The following HLF variants were observed in gnomAD, a reference collection of about 807,000 sequenced individuals.
The protein encoded by HLF is HLF transcription factor, PAR bZIP family member.
A neutral mutation model predicts 22.6 loss-of-function variants in HLF; 3 were observed. The observed-to-expected ratio is 0.13, with a 90% CI of 0.06 to 0.34. The LOEUF is 0.34. Among genes scored for constraint, HLF ranks in the 10% least tolerant of loss-of-function variants. The pLI is 1.00. For synonymous variants in HLF, 151 were observed against 151.8 expected (o/e 0.99, Z 0.04); for missense variants, 299 against 389.2 (o/e 0.77, Z 1.95).
chr17:55,285,850 C>T (rs545095129), intron 2 of HLF, among the ~76,000 whole-genome samples: 11 of 152,314 alleles, frequency 7.2e-5, no homozygotes, highest in Admixed American at 1.3e-4. Flanking sequence ...TTATGAGTGT[C>T]GAGAGATAGG....
At position 55,320,621 on chromosome 17, in the gene HLF, T is replaced by G; in HGVS notation, c.673-43T>G. On this transcript the variant is annotated intron_variant, in intron 3 of 3. Coordinates refer to ENST00000226067, the MANE Select transcript of HLF (RefSeq NM_002126.5). The surrounding 1 kb of genome is among the most constrained non-coding windows in gnomAD (Gnocchi z 4.2). ...TGGCTGGCACTGGGCTTTGCTGAAA[T>G]CTAATATCTTGTTTCTTTTTCCCTT... The G allele has an allele frequency of 6.3e-7, 1 of 1,586,892 alleles. No homozygotes were observed. The highest frequency in any genetic ancestry group is 8.6e-7 in the Non-Finnish European group (1 of 1,158,538).
chr17:55,296,470 G>T (rs1016583222), intron 2 of HLF, among the ~76,000 whole-genome samples: 2 of 152,030 alleles, frequency 1.3e-5, no homozygotes, highest in African/African-American at 4.8e-5. Flanking sequence ...ATGGGGGTGG[G>T]TGTGTATATA....
At chr17:55,277,605 A>G (rs956552825) in intron 2 of HLF, among the ~76,000 whole-genome samples, 2 of 146,930 alleles carry the variant, frequency 1.4e-5, no homozygotes, top group African/African-American at 2.5e-5. Flanking sequence ...GGAAAGGGAC[A>G]TTGTGGGAGG....
chr17:55,293,472 A>G (rs1298148672), intron 2 of HLF, among the ~76,000 whole-genome samples: 1 of 152,150 alleles, frequency 6.6e-6, no homozygotes, highest in East Asian at 1.9e-4. Flanking sequence ...GCTCCTATCA[A>G]ACGGATGGGT....
chr17:55,323,862 G>T lies in HLF; in HGVS notation c.*2983G>T. 1 of 229,122 alleles carries T rather than the reference G, an allele frequency of 4.4e-6. No individual in the cohort carries two copies. The highest frequency in any genetic ancestry group is 8.7e-6 in the Non-Finnish European group (1 of 115,500). The allele number at this position is 229,122 out of a possible 1,614,324, so 14.2% of individuals were successfully genotyped here. ...AGCATCTTTCAGAGATTAATTATTT[G>T]GCCATTAACAATGAATCCAAATCAT... On this transcript the variant is annotated 3_prime_UTR_variant, in exon 4 of 4. Transcript: ENST00000226067.
chr17:55,314,168 G>T (rs1367407168), intron 2 of HLF, among the ~76,000 whole-genome samples: 1 of 152,052 alleles, frequency 6.6e-6, no homozygotes, highest in Non-Finnish European at 1.5e-5. Context: ...TAAACATTTG[G>T]GTCTGGTATG....
chr17:55,265,553 G>A lies in HLF; in HGVS notation c.69G>A (p.Arg23=), dbSNP rs912118055. The change falls in exon 1 of 4, where the codon AGG becomes AGA. Residue 23 remains arginine, a synonymous_variant. Coordinates refer to ENST00000226067, the MANE Select transcript of HLF (RefSeq NM_002126.5). ...TFIPPPYGVL[R]SLLENPLKLP... is the part of the protein sequence containing the mutation. ...TCCCGCCTCCCTACGGCGTGCTCAG[G>A]TCCCTGCTGGAGAACCCGCTGAAGC... 1.9e-6 allele frequency: 3 copies of A among 1,609,948 alleles called. No individual in the cohort carries two copies. The African/African-American group carries it at 4.0e-5, about 22-fold the overall frequency.
intron 2 of HLF, among the ~76,000 whole-genome samples, chr17:55,312,809 TTAA>T (rs1276161267): frequency 6.6e-6 from 1 of 152,222 alleles, no homozygotes; most frequent in Non-Finnish European, 1.5e-5. Context: ...ATTTAAAAAA[TTAA>T]TGATGCATTC....
intron 2 of HLF, among the ~76,000 whole-genome samples, chr17:55,297,714 A>G (rs1355896811): frequency 6.9e-6 from 1 of 144,372 alleles, no homozygotes; most frequent in East Asian, 2.0e-4. Flanking sequence ...CCTGAGGACC[A>G]CGTGTCTTCA....
intron 2 of HLF, among the ~76,000 whole-genome samples, chr17:55,269,157 T>C (rs1306832969): frequency 6.6e-6 from 1 of 152,116 alleles, no homozygotes; most frequent in Non-Finnish European, 1.5e-5. Flanking sequence ...GGAGCAAGAT[T>C]TAAATGGAAG....
intron 2 of HLF, among the ~76,000 whole-genome samples, chr17:55,286,305 AC>A (rs1031784370): frequency 3.4e-5 from 5 of 149,224 alleles, no homozygotes; most frequent in Non-Finnish European, 7.4e-5. Flanking sequence ...CCACCCTTGT[AC>A]TTTACCTCTC....
intron 2 of HLF, among the ~76,000 whole-genome samples, chr17:55,305,776 A>G (rs1904518733): frequency 6.6e-6 from 1 of 152,204 alleles, no homozygotes; most frequent in African/African-American, 2.4e-5. Flanking sequence ...TCATTCTGGA[A>G]GGCTGGGTGC....
chr17:55,299,270 T>C (rs533430573), intron 2 of HLF, among the ~76,000 whole-genome samples: 21 of 152,346 alleles, frequency 1.4e-4, no homozygotes, highest in Admixed American at 1.0e-3. Flanking sequence ...GCAACACTTA[T>C]TGCTTAGCAA....
intron 2 of HLF, among the ~76,000 whole-genome samples, chr17:55,297,922 G>A (rs1435386564): frequency 6.6e-6 from 1 of 151,654 alleles, no homozygotes; most frequent in Non-Finnish European, 1.5e-5. Flanking sequence ...GCTAATCTTT[G>A]TATTTTTAGT....
At chr17:55,309,060 C>T (rs73990646) in intron 2 of HLF, among the ~76,000 whole-genome samples, 1,700 of 152,266 alleles carry the variant, frequency 0.011, 30 homozygotes, top group African/African-American at 0.037. Flanking sequence ...TTCTGTTGGC[C>T]AGTGCAAGTC....
In HLF at chr17:55,267,769, A is replaced by C; in HGVS notation, c.134A>C (p.Asp45Ala). 6.3e-7 allele frequency: 1 copy of C among 1,586,318 alleles called. No individual in the cohort carries two copies. The highest frequency in any genetic ancestry group is 8.6e-7 in the Non-Finnish European group (1 of 1,160,746). Residue 45 changes from aspartate (D) to alanine (A), a missense_variant, in exon 2 of 4, where the codon GAC becomes GCC. Asp to Ala is a moderately radical substitution (Grantham distance 126, BLOSUM62 -2). Transcript: ENST00000226067. ...TCTGCAGCATTTAGTAAAGATAAAG[A>C]CAAGGAAAAGAAGCTGGATGATGAG... ...HHEDAFSKDK[D>A]KEKKLDDESN...
chr17:55,313,494 T>A (rs1348618366), intron 2 of HLF, among the ~76,000 whole-genome samples: 1 of 151,900 alleles, frequency 6.6e-6, no homozygotes. Context: ...TTGGGAAGTA[T>A]TAAGAGGTGT....
intron 2 of HLF, among the ~76,000 whole-genome samples, chr17:55,301,994 C>A (rs991882415): frequency 3.9e-5 from 6 of 152,222 alleles, no homozygotes; most frequent in African/African-American, 1.4e-4. Flanking sequence ...CAGTGGTGGG[C>A]AAACTGAGGA....
chr17:55,286,127 A>G (rs766338103), intron 2 of HLF, among the ~76,000 whole-genome samples: 35 of 152,196 alleles, frequency 2.3e-4, no homozygotes, highest in Non-Finnish European at 4.3e-4. Flanking sequence ...TTGTTGTCCA[A>G]ATCTTCTTTC....
Sources: allele counts gnomAD v4.1 joint callset (sites outside exome capture counted in the v4.1 genomes callset), GRCh38; gene constraint gnomAD v4.1.1; non-coding constraint Gnocchi (gnomAD v3.1); transcripts MANE v1.5; gene names NCBI Gene and HGNC (gene_info 2026-07-23, HGNC 2026-07-21).